The following FHIT variants were observed in gnomAD, a reference collection of about 807,000 sequenced individuals.
The protein encoded by FHIT is bis(5'-adenosyl)-triphosphatase.
FHIT carries 19 observed loss-of-function variants against 17.9 expected under a neutral mutation model. That is an observed-to-expected ratio of 1.06 (90% confidence interval 0.74 to 1.56). The LOEUF is 1.56. FHIT is among the 40% of genes most tolerant of loss of function. FHIT has a pLI of 0.00. For missense variants in FHIT, 248 were observed against 189.2 expected (o/e 1.31, Z -1.82); for synonymous variants, 81 against 69.7 (o/e 1.16, Z -0.81).
chr3:59,893,741 C>T (rs1270095875), intron 8 of FHIT, among the ~76,000 whole-genome samples: 2 of 152,174 alleles, frequency 1.3e-5, no homozygotes, highest in South Asian at 2.1e-4. Flanking sequence ...TTCAGATTTA[C>T]GTGATATTAA....
At chr3:60,041,074 T>C (rs1049250801) in intron 5 of FHIT, among the ~76,000 whole-genome samples, 1 of 152,202 alleles carries the variant, frequency 6.6e-6, no homozygotes, top group African/African-American at 2.4e-5. Flanking sequence ...AAAAAGCTAC[T>C]GATGCATTTA....
intron 4 of FHIT, among the ~76,000 whole-genome samples, chr3:60,613,559 T>G (rs782479259): frequency 2.0e-5 from 3 of 152,182 alleles, no homozygotes; most frequent in Admixed American, 6.5e-5. Flanking sequence ...TATCTTTCTT[T>G]TCTCCTCCCT....
intron 5 of FHIT, among the ~76,000 whole-genome samples, chr3:60,374,821 A>G (rs538486048): frequency 1.3e-5 from 2 of 152,262 alleles, no homozygotes; most frequent in Admixed American, 6.5e-5. Context: ...TGTTTTTTAA[A>G]AAGTCTATTA....
chr3:60,949,661 T>C (rs782573958), intron 3 of FHIT, among the ~76,000 whole-genome samples: 16 of 152,232 alleles, frequency 1.1e-4, no homozygotes, highest in Admixed American at 2.0e-4. Flanking sequence ...CTTGCAGATA[T>C]AATGTAAGTT....
chr3:60,130,984 CATATAT>C (rs1453774563), intron 5 of FHIT, among the ~76,000 whole-genome samples: 4 of 90,086 alleles, frequency 4.4e-5, no homozygotes, highest in African/African-American at 7.5e-5. Context: ...TATATATACA[CATATAT>C]ACACATATAT....
intron 5 of FHIT, among the ~76,000 whole-genome samples, chr3:60,085,832 G>C (rs1703471346): frequency 1.3e-5 from 2 of 152,208 alleles, no homozygotes; most frequent in Admixed American, 1.3e-4. Flanking sequence ...GCTGCTGGCA[G>C]GATAAGTGAC....
chr3:60,353,496 C>T (rs1699510594), intron 5 of FHIT, among the ~76,000 whole-genome samples: 1 of 152,166 alleles, frequency 6.6e-6, no homozygotes, highest in South Asian at 2.1e-4. Context: ...TTCCCTACAT[C>T]TCCTTCTGCT....
chr3:60,824,953 T>G (rs1702063209), intron 3 of FHIT, among the ~76,000 whole-genome samples: 1 of 152,212 alleles, frequency 6.6e-6, no homozygotes, highest in Non-Finnish European at 1.5e-5. Flanking sequence ...GAAAACTGAC[T>G]AATACTCTCA....
intron 5 of FHIT, among the ~76,000 whole-genome samples, chr3:60,525,118 A>T (rs1374936891): frequency 2.0e-5 from 3 of 152,190 alleles, no homozygotes; most frequent in Non-Finnish European, 2.9e-5. Context: ...GAGAGAAGTG[A>T]CATAGATTCA....
At chr3:60,114,489 C>CTTTTTTTTTT (rs1576129465) in intron 5 of FHIT, among the ~76,000 whole-genome samples, 34 of 61,600 alleles carry the variant, frequency 5.5e-4, no homozygotes, top group South Asian at 8.1e-4. Context: ...AAGAGAAATC[C>CTTTTTTTTTT]TTTTTTTTTT....
intron 5 of FHIT, among the ~76,000 whole-genome samples, chr3:60,120,017 A>C (rs1357222912): frequency 6.6e-6 from 1 of 152,146 alleles, no homozygotes; most frequent in Non-Finnish European, 1.5e-5. Context: ...AAATCAGCCT[A>C]ATCAACATTC....
intron 4 of FHIT, among the ~76,000 whole-genome samples, chr3:60,555,628 G>C (rs545852565): frequency 2.0e-5 from 3 of 152,174 alleles, no homozygotes; most frequent in Non-Finnish European, 4.4e-5. Flanking sequence ...CTCGCCATGA[G>C]AGGCACTCAT....
At chr3:60,366,928 T>C (rs889140459) in intron 5 of FHIT, among the ~76,000 whole-genome samples, 3 of 152,200 alleles carry the variant, frequency 2.0e-5, no homozygotes, top group Non-Finnish European at 2.9e-5. Flanking sequence ...TCAACTTATA[T>C]AGGTTGAGGC....
intron 4 of FHIT, among the ~76,000 whole-genome samples, chr3:60,742,900 G>A (rs1286706837): frequency 6.6e-6 from 1 of 152,198 alleles, no homozygotes; most frequent in African/African-American, 2.4e-5. Context: ...AAGTAGGAAC[G>A]TTTTTCAATG....
At chr3:60,281,807 AC>A (rs1229569603) in intron 5 of FHIT, among the ~76,000 whole-genome samples, 1 of 152,118 alleles carries the variant, frequency 6.6e-6, no homozygotes, top group African/African-American at 2.4e-5. Context: ...AAAATTATCT[AC>A]AAAAAAAATT....
chr3:61,149,592 A>G (rs2037324703), intron 2 of FHIT, among the ~76,000 whole-genome samples: 1 of 152,132 alleles, frequency 6.6e-6, no homozygotes, highest in Admixed American at 6.6e-5. Flanking sequence ...AAAATGCTTA[A>G]CTGGGCCAGG....
At chr3:60,636,824 A>G (rs2039599356) in intron 4 of FHIT, among the ~76,000 whole-genome samples, 1 of 152,174 alleles carries the variant, frequency 6.6e-6, no homozygotes, top group Non-Finnish European at 1.5e-5. Flanking sequence ...CTTTTATTCA[A>G]TCATTCACAG....
At chr3:61,190,848 G>A (rs530913959) in intron 2 of FHIT, among the ~76,000 whole-genome samples, 30 of 148,864 alleles carry the variant, frequency 2.0e-4, no homozygotes, top group East Asian at 6.2e-4. Flanking sequence ...ACCAAACACC[G>A]CATGTTCTCA....
chr3:60,968,434 T>C (rs973834947), intron 3 of FHIT, among the ~76,000 whole-genome samples: 2 of 144,688 alleles, frequency 1.4e-5, no homozygotes, highest in African/African-American at 5.3e-5. Context: ...TTTTTTTTTT[T>C]CGAGATGGAG....
Sources: gnomAD v4.1 joint callset for allele counts (sites outside exome capture counted in the v4.1 genomes callset) on GRCh38, gnomAD v4.1.1 for gene constraint, MANE v1.5 for transcripts, NCBI Gene and HGNC (gene_info 2026-07-23, HGNC 2026-07-21) for gene names.